Variants in UBFD1 observed in about 807,000 individuals in gnomAD.
UBFD1 encodes the protein ubiquitin domain-containing protein UBFD1.
In UBFD1, 12 loss-of-function variants were observed where a neutral mutation model predicts 35.1. The observed-to-expected ratio is 0.34, with a 90% CI of 0.22 to 0.55. The LOEUF is 0.55. Ranked by LOEUF, UBFD1 falls within the 20% of genes least tolerant of loss-of-function variation. UBFD1 has a pLI of 0.89. For missense variants in UBFD1, 337 were observed against 410.8 expected, an observed-to-expected ratio of 0.82 and a Z score of 1.55; for synonymous variants, 178 against 167.6, an observed-to-expected ratio of 1.06 and a Z score of -0.48.
chr16:23,558,123 G>T lies in UBFD1; in HGVS notation c.199G>T (p.Ala67Ser), dbSNP rs1157831180. ...GGCCCAGCCCCCTGGGGACCCCGCA[G>T]CCCAGGCCTCGGTCAGCAACGGCGA... is the stretch of plus-strand genomic sequence containing the variant. ...APAQPPGDPAAQASVSNGEDA... is the reference protein window; with the variant it reads ...APAQPPGDPASQASVSNGEDA... Residue 67 changes from alanine to serine, a missense_variant, in exon 2 of 7, where the codon GCC becomes TCC. Ala to Ser is a moderately conservative substitution (Grantham distance 99). Coordinates refer to ENST00000395878, the MANE Select transcript of UBFD1 (RefSeq NM_019116.3). 10 of 1,599,622 alleles carry T rather than the reference G, an allele frequency of 6.3e-6. No individual in the cohort carries two copies. The highest frequency in any genetic ancestry group is 7.7e-6 in the Non-Finnish European group (9 of 1,174,480).
At position 23,573,456 on chromosome 16, in the gene UBFD1, C is replaced by G. The variant is rs947829729; in HGVS notation, c.*2866C>G. On this transcript the variant is annotated 3_prime_UTR_variant, in exon 7 of 7. Coordinates refer to ENST00000395878, the MANE Select transcript of UBFD1 (RefSeq NM_019116.3). ...AGCGTGACCCTGTGAGCCAGGCCCC[C>G]CTTAGCTCTGCTTCAGATCACAGAA... 13 of 152,236 alleles carry G rather than the reference C, an allele frequency of 8.5e-5. No individual in the cohort carries two copies. The highest frequency in any genetic ancestry group is 2.7e-4 in the African/African-American group (11 of 41,434). The allele number at this position is 152,236 out of a possible 1,614,324, so 9.4% of individuals were successfully genotyped here.
chr16:23,569,642 A>G (rs1178911802), intron 6 of UBFD1: 1 of 152,210 alleles, frequency 6.6e-6, no homozygotes, highest in Non-Finnish European at 1.5e-5. Flanking sequence ...AATTGTAAAT[A>G]TTTTGTAATT....
intron 3 of UBFD1, 87 bp from the exon 4 acceptor site, chr16:23,562,119 G>C (rs1965944161): frequency 1.6e-6 from 2 of 1,273,768 alleles, no homozygotes; most frequent in Admixed American, 4.0e-5. Flanking sequence ...AAAACACTAA[G>C]GCTTTCTTCA....
chr16:23,563,467 T>C (rs1448812669), intron 5 of UBFD1, among the ~76,000 whole-genome samples: 1 of 152,176 alleles, frequency 6.6e-6, no homozygotes, highest in Admixed American at 6.5e-5. Flanking sequence ...TCTTGTTAGT[T>C]ACACTGCAGA....
chr16:23,565,224 C>G (rs1965994005), intron 5 of UBFD1: 1 of 152,192 alleles, frequency 6.6e-6, no homozygotes, highest in Admixed American at 6.5e-5. Context: ...GAGTTGGCCT[C>G]TTCGTGGGGC....
chr16:23,568,130 C>T (rs1448250838), intron 6 of UBFD1, among the ~76,000 whole-genome samples: 1 of 151,754 alleles, frequency 6.6e-6, no homozygotes, highest in Admixed American at 6.6e-5. Flanking sequence ...CCCTTGGCAG[C>T]CCTTCCACCC....
At chr16:23,562,799 G>A in intron 5 of UBFD1, 69 bp downstream of exon 5, 1 of 1,363,344 alleles carries the variant, frequency 7.3e-7, no homozygotes, top group South Asian at 1.2e-5. Context: ...TCACATTTTA[G>A]AGTGCGATTT....
intron 5 of UBFD1, among the ~76,000 whole-genome samples, chr16:23,563,366 C>G (rs988452656): frequency 2.0e-5 from 3 of 152,094 alleles, no homozygotes; most frequent in Non-Finnish European, 4.4e-5. Context: ...GCCCCACCCC[C>G]GCCTGTGCAC....
At chr16:23,568,273 C>T (rs1966038387) in intron 6 of UBFD1, among the ~76,000 whole-genome samples, 1 of 151,058 alleles carries the variant, frequency 6.6e-6, no homozygotes, top group Admixed American at 6.6e-5. Context: ...GATTCTCCTG[C>T]CTCTGCCTCC....
chr16:23,573,087 A>G lies in UBFD1; in HGVS notation c.*2497A>G, dbSNP rs2142224577. 6.6e-6 allele frequency: 1 copy of G among 152,216 alleles called. No individual in the cohort carries two copies. Among genetic ancestry groups the G allele is most frequent in the South Asian group, 2.1e-4 (1 of 4,822 alleles). 9.4% of individuals were successfully genotyped at this position (152,216 alleles called of 1,614,324 possible). A position where few individuals can be genotyped will look rare whatever the true frequency, so the allele number is the denominator to read the frequency against. On this transcript the variant is annotated 3_prime_UTR_variant, in exon 7 of 7. Coordinates refer to ENST00000395878, the MANE Select transcript of UBFD1 (RefSeq NM_019116.3). ...GTACTGACTAAATCTGTGTAAGCAA[A>G]TTGAAATACTCTTTCTTTTAGGTAG... is the stretch of plus-strand genomic sequence containing the variant.
chr16:23,566,896 G>A (rs1453458823), intron 5 of UBFD1, 91 bp from the exon 6 acceptor site: 34 of 1,254,846 alleles, frequency 2.7e-5, no homozygotes, highest in Non-Finnish European at 3.7e-5. Context: ...TGTAGATCCC[G>A]CAGCCACCAG....
At chr16:23,558,344 C>G in intron 2 of UBFD1, 65 bp downstream of exon 2, 11 of 1,559,408 alleles carry the variant, frequency 7.1e-6, no homozygotes, top group Non-Finnish European at 7.8e-6. Context: ...TTGCACCCTA[C>G]TAGGCACCTG....
At chr16:23,565,627 A>G (rs537196936) in intron 5 of UBFD1, 10 of 152,298 alleles carry the variant, frequency 6.6e-5, no homozygotes, top group African/African-American at 1.9e-4. Flanking sequence ...CTAAATAAAC[A>G]TCTTCAGGTC....
chr16:23,561,669 AC>A (rs1445870453), intron 3 of UBFD1: 1 of 152,226 alleles, frequency 6.6e-6, no homozygotes, highest in Non-Finnish European at 1.5e-5. Context: ...TTGTTGAAGA[AC>A]TGCTCCTCCT....
chr16:23,567,997 G>T (rs1048632786), intron 6 of UBFD1, among the ~76,000 whole-genome samples: 44 of 152,358 alleles, frequency 2.9e-4, no homozygotes, highest in African/African-American at 9.9e-4. Context: ...CTTAAAATAT[G>T]GTGGGCAAGG....
rs1249423834 is a variant in UBFD1, at chr16:23,573,288, C to T, written c.*2698C>T. The T allele has an allele frequency of 4.6e-5, 7 of 152,178 alleles. No homozygotes were observed. Among genetic ancestry groups the T allele is most frequent in the African/African-American group, 1.4e-4 (6 of 41,432 alleles). 9.4% of individuals were successfully genotyped at this position (152,178 alleles called of 1,614,324 possible). On this transcript the variant is annotated 3_prime_UTR_variant, in exon 7 of 7. Transcript: ENST00000395878. ...CGAAGCTAGAGATGGAGGGGGTGGC[C>T]GTCTCTTAGACATTGGACACCTCTC... is the stretch of plus-strand genomic sequence containing the variant.
chr16:23,563,722 A>G (rs1191651519), intron 5 of UBFD1, among the ~76,000 whole-genome samples: 1 of 152,110 alleles, frequency 6.6e-6, no homozygotes, highest in Non-Finnish European at 1.5e-5. Context: ...CTTAGTTTAA[A>G]TTTTGGTTCC....
chr16:23,561,405 G>T (rs1193865787), intron 3 of UBFD1, among the ~76,000 whole-genome samples: 1 of 152,234 alleles, frequency 6.6e-6, no homozygotes, highest in African/African-American at 2.4e-5. Context: ...TAAGGCCACA[G>T]ATGGAGAAGA....
At chr16:23,562,080 A>G (rs1965943654) in intron 3 of UBFD1, 126 bp from the exon 4 acceptor site, 5 of 793,310 alleles carry the variant, frequency 6.3e-6, no homozygotes, top group Non-Finnish European at 1.0e-5. Flanking sequence ...AAGGATCCAT[A>G]GTCTGTCGTC....
Sources: allele counts gnomAD v4.1 joint callset (sites outside exome capture counted in the v4.1 genomes callset), GRCh38; gene constraint gnomAD v4.1.1; transcripts MANE v1.5; gene names NCBI Gene and HGNC (gene_info 2026-07-23, HGNC 2026-07-21).